Variants in ALPK3 observed in about 807,000 individuals in gnomAD.
ALPK3 encodes the protein alpha kinase 3.
ALPK3 carries 102 observed loss-of-function variants against 140.0 expected under a neutral mutation model. The observed-to-expected ratio is 0.73, with a 90% CI of 0.62 to 0.86. The LOEUF (loss-of-function observed/expected upper bound fraction) is 0.86. Ranked by LOEUF, ALPK3 falls within the 40% of genes least tolerant of loss-of-function variation. ALPK3 has a pLI of 0.00. For synonymous variants in ALPK3, 938 were observed against 898.5 expected (o/e 1.04, Z -0.79); for missense variants, 2,254 against 2,208.2 (o/e 1.02, Z -0.42).
At chr15:84,866,379 T>C (rs1427836232) in intron 12 of ALPK3, among the ~76,000 whole-genome samples, 1 of 152,218 alleles carries the variant, frequency 6.6e-6, no homozygotes, top group Non-Finnish European at 1.5e-5. Context: ...ATTAGAGATA[T>C]GAAGTGACTT....
At chr15:84,867,150 G>A (rs1964011408) in intron 12 of ALPK3, among the ~76,000 whole-genome samples, 167 bp from the exon 13 acceptor site, 1 of 151,776 alleles carries the variant, frequency 6.6e-6, no homozygotes, top group African/African-American at 2.4e-5. Flanking sequence ...AGACACACCT[G>A]CACTGACACC....
intron 3 of ALPK3, among the ~76,000 whole-genome samples, chr15:84,834,928 A>G (rs188980782): frequency 1.4e-4 from 21 of 152,324 alleles, no homozygotes; most frequent in South Asian, 4.1e-4. Context: ...TCCCAAATAA[A>G]TTTGCTTCCA....
chr15:84,858,227 C>T lies in ALPK3; in HGVS notation c.3489C>T (p.Ala1163=), dbSNP rs1395476403. The T allele has an allele frequency of 6.2e-7, 1 of 1,610,924 alleles. No individual in the cohort carries two copies. Among genetic ancestry groups the T allele is most frequent in the Non-Finnish European group, 8.5e-7 (1 of 1,178,694 alleles). Residue 1163 remains alanine (A), a synonymous_variant, in exon 6 of 14, where the codon GCC becomes GCT. Transcript: ENST00000258888. ...AATPEELALG[A]RRKRFLPKVR... ...CACCTGAGGAACTGGCTCTAGGGGCCCGGAGGAAGAGATTTCTCCCTAAGG... is the reference window on the plus strand; with the variant it reads ...CACCTGAGGAACTGGCTCTAGGGGCTCGGAGGAAGAGATTTCTCCCTAAGG...
chr15:84,856,096 C>T (rs1286540854), intron 5 of ALPK3, among the ~76,000 whole-genome samples: 2 of 152,130 alleles, frequency 1.3e-5, no homozygotes, highest in Non-Finnish European at 2.9e-5. Context: ...CAAGGTCTTT[C>T]AGGAAAGGCA....
At position 84,868,208 on chromosome 15, in the gene ALPK3, C is replaced by T. The variant is rs199665338; in HGVS notation, c.4870C>T (p.Pro1624Ser). The T allele has an allele frequency of 2.5e-6, 4 of 1,614,184 alleles. No individual in the cohort carries two copies. The highest frequency in any genetic ancestry group is 1.3e-5 in the African/African-American group (1 of 75,060). Residue 1624 changes from proline (P) to serine (S), a missense_variant, in exon 14 of 14, where the codon CCT (proline) becomes TCT (serine). Around this residue, in one of 3 missense-constraint regions of ALPK3, gnomAD observed 158 missense variants for 159.8 expected, o/e 0.99. Transcript: ENST00000258888. ...NAYCELLGLT[P>S]LKGPEAAHPQ... ...CTACTGTGAGCTGCTGGGGCTGACACCTCTCAAGGGCCCGGAGGCGGCCCA... is the reference window on the plus strand; with the variant it reads ...CTACTGTGAGCTGCTGGGGCTGACATCTCTCAAGGGCCCGGAGGCGGCCCA...
rs766905744 is a variant in ALPK3 at position 84,839,030 on chromosome 15, C to T, written c.355C>T (p.Arg119Cys). 8.7e-6 allele frequency: 14 copies of T among 1,613,868 alleles called. No individual in the cohort carries two copies. The highest frequency in any genetic ancestry group is 1.3e-5 in the African/African-American group (1 of 75,064). The change falls in exon 4 of 14, where the codon CGC becomes TGC. Residue 119 changes from arginine to cysteine, a missense_variant. Physicochemically the swap from Arg to Cys is radical, Grantham distance 180 (BLOSUM62 -3). Coordinates refer to ENST00000258888, the MANE Select transcript of ALPK3 (RefSeq NM_020778.5). ...TWYKDDTELD[R>C]YCGLPKYEIT... ...GTACAAGGATGATACGGAGCTGGACCGCTACTGTGGCTTGCCAAAATATGA... is the reference window on the plus strand; with the variant it reads ...GTACAAGGATGATACGGAGCTGGACTGCTACTGTGGCTTGCCAAAATATGA...
Position 84,868,634 on chromosome 15 carries a change from A to G in ALPK3, c.*178A>G. ...GCTCGTCATCAGATGGCTTTGGTGC[A>G]TGGCACATAGCCCACTGGCCTCTTC... On this transcript the variant is annotated 3_prime_UTR_variant, in exon 14 of 14. Transcript: ENST00000258888. 1 of 672,312 alleles carries G rather than the reference A, an allele frequency of 1.5e-6. No individual in the cohort carries two copies. The highest frequency in any genetic ancestry group is 2.0e-5 in the South Asian group (1 of 50,516). The allele number at this position is 672,312 out of a possible 1,614,324, so 41.6% of individuals were successfully genotyped here.
In ALPK3 at chr15:84,840,671, C is replaced by A; in HGVS notation, c.1392C>A (p.Gly464=). 6.3e-7 allele frequency: 1 copy of A among 1,592,118 alleles called. No homozygotes were observed. Among genetic ancestry groups the A allele is most frequent in the East Asian group, 2.2e-5 (1 of 44,760 alleles). The change falls in exon 5 of 14, where the codon GGC becomes GGA. Residue 464 remains glycine (G), a synonymous_variant. Transcript: ENST00000258888. ...ARSEGVPGAP[G]QPTHSLTPQP... ...GCGAGGGGGTGCCTGGCGCTCCTGG[C>A]CAGCCCACACACTCCTTGACCCCCC... is the stretch of plus-strand genomic sequence containing the variant.
In ALPK3 at chr15:84,868,526, C is replaced by G; in HGVS notation, c.*70C>G. On this transcript the variant is annotated 3_prime_UTR_variant, in exon 14 of 14. Transcript: ENST00000258888. ...GGAAGCAGCTTGAACTGGATGGAGA[C>G]TTTCCAAATATGGAACTAACTGGAG... 5 of 1,403,466 alleles carry G rather than the reference C, an allele frequency of 3.6e-6. No individual in the cohort carries two copies. The highest frequency in any genetic ancestry group is 4.8e-6 in the Non-Finnish European group (5 of 1,048,222). The allele number at this position is 1,403,466 out of a possible 1,614,324, so 86.9% of individuals were successfully genotyped here.
At chr15:84,866,830 G>C (rs74024749) in intron 12 of ALPK3, among the ~76,000 whole-genome samples, 2,272 of 152,274 alleles carry the variant, frequency 0.015, 56 homozygotes, top group African/African-American at 0.052. Flanking sequence ...AGAGGATGAA[G>C]GTTTTAGCTC....
intron 3 of ALPK3, among the ~76,000 whole-genome samples, chr15:84,837,026 A>G (rs1963603608): frequency 1.3e-5 from 2 of 152,208 alleles, no homozygotes; most frequent in South Asian, 4.1e-4. Context: ...GCAGATGGGC[A>G]TAGGAATTGG....
At chr15:84,858,598 C>T in intron 6 of ALPK3, 43 bp downstream of exon 6, 3 of 1,523,662 alleles carry the variant, frequency 2.0e-6, no homozygotes, top group Non-Finnish European at 2.6e-6. Flanking sequence ...CAGGACAGGG[C>T]CACAGAAAGC....
Position 84,827,531 on chromosome 15 carries a change from C to T in ALPK3, c.230C>T (p.Pro77Leu), listed in dbSNP as rs372130536. ...GCTCAGCTCACAGAGGAGACCCAGC[C>T]GCTATTTGAGACCACGCTCAAGTCC... ...IIAQLTEETQ[P>L]LFETTLKSRS... The change falls in exon 3 of 14, where the codon CCG (proline) becomes CTG (leucine). Residue 77 changes from proline to leucine, a missense_variant. Physicochemically the swap from Pro to Leu is moderately conservative, Grantham distance 98. Transcript: ENST00000258888. The T allele has an allele frequency of 2.5e-5, 40 of 1,614,064 alleles. No individual in the cohort carries two copies. Among genetic ancestry groups the T allele is most frequent in the South Asian group, 9.9e-5 (9 of 91,092 alleles).
At position 84,840,803 on chromosome 15, in the gene ALPK3, C is replaced by T. The variant is rs142698933; in HGVS notation, c.1524C>T (p.Cys508=). 21 of 1,614,104 alleles carry T rather than the reference C, an allele frequency of 1.3e-5. No homozygotes were observed. In the African/African-American group the frequency reaches 1.3e-4, roughly 10 times the overall value. The change falls in exon 5 of 14, where the codon TGC becomes TGT. Residue 508 remains cysteine, a synonymous_variant. Coordinates refer to ENST00000258888, the MANE Select transcript of ALPK3 (RefSeq NM_020778.5). ...CTTCTCTGAGTCAAGCTCCAGAATGCGGGGCCCAGAGCTTAGGAAAGGCCC... is the reference window on the plus strand; with the variant it reads ...CTTCTCTGAGTCAAGCTCCAGAATGTGGGGCCCAGAGCTTAGGAAAGGCCC... ...PISSLSQAPE[C]GAQSLGKAPP...
chr15:84,819,678 C>T (rs544350549), intron 1 of ALPK3, among the ~76,000 whole-genome samples: 1 of 152,302 alleles, frequency 6.6e-6, no homozygotes, highest in African/African-American at 2.4e-5. Context: ...TATGTTGGCT[C>T]CAGCCCAGCT....
At chr15:84,836,604 A>G (rs1376955595) in intron 3 of ALPK3, among the ~76,000 whole-genome samples, 1 of 152,242 alleles carries the variant, frequency 6.6e-6, no homozygotes, top group Non-Finnish European at 1.5e-5. Flanking sequence ...TGAAGTTGCT[A>G]TTTACTGAGA....
rs772259344 is a variant in ALPK3 at position 84,857,587 on chromosome 15, G to A, written c.2849G>A (p.Arg950Gln). Residue 950 changes from arginine to glutamine, a missense_variant, in exon 6 of 14, where the codon CGG becomes CAG. Arg to Gln is a conservative substitution (Grantham distance 43). Transcript: ENST00000258888. ...PDVEGRTPGPRSCDPGLIDSL... is the reference protein window; with the variant it reads ...PDVEGRTPGPQSCDPGLIDSL... ...GTGGAGGGGCGGACCCCAGGTCCCC[G>A]GAGCTGTGACCCTGGCCTCATAGAT... The A allele has an allele frequency of 1.3e-5, 21 of 1,573,618 alleles. No individual in the cohort carries two copies. In the East Asian group the frequency reaches 1.6e-4, roughly 12 times the overall value.
chr15:84,839,126 T>C (rs573002433), intron 4 of ALPK3, 29 bp downstream of exon 4: 1 of 1,573,124 alleles, frequency 6.4e-7, no homozygotes, highest in African/African-American at 1.3e-5. Flanking sequence ...TTTTGCTCTC[T>C]CTGCCCTCCC....
At chr15:84,827,684 G>A (rs1019088853) in intron 3 of ALPK3, 79 bp downstream of exon 3, 2 of 1,573,352 alleles carry the variant, frequency 1.3e-6, no homozygotes, top group East Asian at 2.3e-5. Context: ...GACAGGAATG[G>A]TGGGGTGGCG....
Sources: allele counts gnomAD v4.1 joint callset (sites outside exome capture counted in the v4.1 genomes callset), GRCh38; gene constraint gnomAD v4.1.1; regional missense constraint gnomAD v4.1.1; transcripts MANE v1.5; gene names NCBI Gene and HGNC (gene_info 2026-07-23, HGNC 2026-07-21).